AHCY: variants seen among roughly 807,000 people sequenced by gnomAD.
AHCY encodes the protein adenosylhomocysteinase, also known as S-adenosyl-L-homocysteine hydrolase.
Under a neutral mutation model 45.4 loss-of-function variants are expected in AHCY, and 24 were observed. That is an observed-to-expected ratio of 0.53 (90% CI 0.38 to 0.74). The LOEUF (loss-of-function observed/expected upper bound fraction) is 0.74, where lower values mean the gene tolerates loss of function less well. AHCY is among the 30% of genes least tolerant of loss of function. AHCY has a pLI of 0.00. For synonymous variants in AHCY, 245 were observed against 235.1 expected, an observed-to-expected ratio of 1.04 and a Z score of -0.39; for missense variants, 449 against 594.1, an observed-to-expected ratio of 0.76 and a Z score of 2.54.
chr20:34,253,914 G>T, the AHCY span, among the ~76,000 whole-genome samples: 26 of 152,180 alleles, frequency 1.7e-4, no homozygotes, highest in African/African-American at 6.3e-4. Context: ...CCTAAATACA[G>T]ATGATGAATT....
At chr20:34,309,453 G>A (rs1043552860) in intron 1 of AHCY, among the ~76,000 whole-genome samples, 3 of 152,128 alleles carry the variant, frequency 2.0e-5, no homozygotes, top group Non-Finnish European at 4.4e-5. Context: ...CTGGAGCCCA[G>A]GAATTCAAGG....
intron 1 of AHCY, among the ~76,000 whole-genome samples, chr20:34,309,960 A>G (rs535513351): frequency 6.6e-6 from 1 of 151,912 alleles, no homozygotes; most frequent in East Asian, 1.9e-4. Context: ...GGAAGGAAGG[A>G]AACAATAGAA....
chr20:34,262,964 A>G, the AHCY span: 4 of 1,551,960 alleles, frequency 2.6e-6, no homozygotes, highest in Admixed American at 1.7e-5. Flanking sequence ...AGGACCCCCA[A>G]CCTCTGGCTA....
chr20:34,260,495 T>C, the AHCY span: 11 of 1,613,818 alleles, frequency 6.8e-6, no homozygotes, highest in East Asian at 1.3e-4. Context: ...AAGCAACTCC[T>C]CTGTGAACCT....
the AHCY span, among the ~76,000 whole-genome samples, chr20:34,261,253 T>C: frequency 6.6e-6 from 1 of 152,180 alleles, no homozygotes; most frequent in Admixed American, 6.5e-5. Context: ...ATCCCAGCAC[T>C]TTGGGAAGCT....
chr20:34,311,712 C>G (rs1231700778), exon 1 of AHCY: 5 of 152,578 alleles, frequency 3.3e-5, no homozygotes, highest in Admixed American at 3.3e-4. Flanking sequence ...GGGGATGGAG[C>G]CGGATTAAGC....
At chr20:34,280,100 A>C (rs941510662), downstream of AHCY, among the ~76,000 whole-genome samples, 2 of 152,130 alleles carry the variant, frequency 1.3e-5, no homozygotes, top group African/African-American at 4.8e-5. Flanking sequence ...TCAAAAAAAA[A>C]CGAAAGAGTT....
At chr20:34,297,423 C>CA (rs1360741060) in intron 1 of AHCY, among the ~76,000 whole-genome samples, 1 of 152,006 alleles carries the variant, frequency 6.6e-6, no homozygotes, top group Non-Finnish European at 1.5e-5. Flanking sequence ...TCAGCCTCCC[C>CA]AATAGCTGGG....
the AHCY span, among the ~76,000 whole-genome samples, chr20:34,265,191 A>G: frequency 6.6e-6 from 1 of 152,156 alleles, no homozygotes; most frequent in African/African-American, 2.4e-5. Flanking sequence ...CTTCTGGCCA[A>G]CAGTAGGCTA....
At chr20:34,292,286 G>T (rs2036421186) in intron 4 of AHCY, 72 bp downstream of exon 4, 3 of 1,547,616 alleles carry the variant, frequency 1.9e-6, no homozygotes, top group Non-Finnish European at 2.6e-6. Context: ...TGCCAGGCCT[G>T]CGGCCATCAT....
the AHCY span, chr20:34,269,356 G>T: frequency 2.8e-6 from 2 of 713,458 alleles, no homozygotes; most frequent in Non-Finnish European, 4.2e-6. Context: ...GAAGGTGTGC[G>T]GCTGTTTCTG....
intron 3 of AHCY, among the ~76,000 whole-genome samples, 159 bp from the exon 4 acceptor site, chr20:34,292,666 C>A (rs1303209014): frequency 2.6e-5 from 4 of 152,206 alleles, no homozygotes; most frequent in Non-Finnish European, 4.4e-5. Flanking sequence ...CAACTTGGAG[C>A]CAGATAGATC....
chr20:34,286,554 C>T (rs770182600), intron 8 of AHCY: 1 of 152,138 alleles, frequency 6.6e-6, no homozygotes, highest in Non-Finnish European at 1.5e-5. Flanking sequence ...ATACCCAGGC[C>T]AGACGCGGTG....
rs963543360 is a variant in AHCY, at chr20:34,296,049, T to C, written c.29-464A>G. On this transcript the variant is annotated intron_variant, in intron 1 of 9. Coordinates refer to ENST00000217426, the MANE Select transcript of AHCY (RefSeq NM_000687.4). Reference sequence around the variant, plus strand: ...TATCTAACATTTTGGATTTGACAGTTCCTTGATCTCCTTTTAGATGTAAAA... The same window carrying C: ...TATCTAACATTTTGGATTTGACAGTCCCTTGATCTCCTTTTAGATGTAAAA... Among the ~76,000 whole-genome samples, 8 of 152,310 alleles carry C rather than the reference T, an allele frequency of 5.3e-5. No homozygotes were observed. The South Asian group carries it at 1.0e-3, about 20-fold the overall frequency.
chr20:34,258,852 T>C, the AHCY span, among the ~76,000 whole-genome samples: 1 of 118,904 alleles, frequency 8.4e-6, no homozygotes, highest in Non-Finnish European at 1.7e-5. Flanking sequence ...AGTGTATATA[T>C]AATATATGAT....
chr20:34,277,253 G>A (rs1162042650), downstream of AHCY, among the ~76,000 whole-genome samples: 3 of 152,162 alleles, frequency 2.0e-5, no homozygotes, highest in African/African-American at 7.2e-5. Flanking sequence ...GGACTCGGGT[G>A]GGACACCCAG....
chr20:34,257,060 C>CTCTTTTTT, the AHCY span, among the ~76,000 whole-genome samples: 3 of 122,362 alleles, frequency 2.5e-5, no homozygotes, highest in Non-Finnish European at 4.9e-5. Context: ...TTCTCTCTCT[C>CTCTTTTTT]TTTCTTTCTC....
chr20:34,290,825 C>T lies in AHCY; in HGVS notation c.672G>A (p.Val224=), dbSNP rs772529841. ...KVAVVAGYGD[V]GKGCAQALRG... ...GCAGGGCCTGGGCACAGCCCTTGCC[C>T]ACATCACCATAGCCTGCTACCACCG... The change falls in exon 6 of 10, where the codon GTG becomes GTA. Residue 224 remains valine (V), a synonymous_variant. Coordinates refer to ENST00000217426, the MANE Select transcript of AHCY (RefSeq NM_000687.4). The surrounding 1 kb of genome is among the most constrained non-coding windows in gnomAD (Gnocchi z 4.5). The T allele has an allele frequency of 6.2e-7, 1 of 1,614,156 alleles. No homozygotes were observed. Among genetic ancestry groups the T allele is most frequent in the Non-Finnish European group, 8.5e-7 (1 of 1,180,018 alleles).
intron 1 of AHCY, among the ~76,000 whole-genome samples, chr20:34,295,850 C>T (rs966808571): frequency 2.0e-5 from 3 of 152,104 alleles, no homozygotes; most frequent in African/African-American, 7.2e-5. Flanking sequence ...CATAAAGAAG[C>T]GTCCCTTTGA....
Sources: gnomAD v4.1 joint callset for allele counts (sites outside exome capture counted in the v4.1 genomes callset) on GRCh38, gnomAD v4.1.1 for gene constraint, Gnocchi (gnomAD v3.1) non-coding constraint, MANE v1.5 for transcripts, NCBI Gene and HGNC (gene_info 2026-07-23, HGNC 2026-07-21) for gene names.